The following CADM2 variants were observed in gnomAD, a reference collection of about 807,000 sequenced individuals.
CADM2 encodes the protein immunoglobulin superfamily member 4D.
Under a neutral mutation model 49.8 loss-of-function variants are expected in CADM2, and 12 were observed. The observed-to-expected ratio is 0.24, with a 90% CI of 0.15 to 0.39. The LOEUF (loss-of-function observed/expected upper bound fraction) is 0.39, where lower values mean the gene tolerates loss of function less well. Ranked by LOEUF, CADM2 falls within the 10% of genes least tolerant of loss-of-function variation. The pLI is 1.00. For synonymous variants in CADM2, 214 were observed against 175.4 expected (o/e 1.22, Z -1.74); for missense variants, 378 against 492.3 (o/e 0.77, Z 2.20).
At chr3:85,026,062 C>T (rs892210726) in intron 1 of CADM2, among the ~76,000 whole-genome samples, 2 of 152,094 alleles carry the variant, frequency 1.3e-5, no homozygotes, top group African/African-American at 4.8e-5. Flanking sequence ...ACTAAATAAC[C>T]AGCAAATGAA....
chr3:85,679,157 G>A (rs2065969314), intron 1 of CADM2, among the ~76,000 whole-genome samples: 1 of 151,976 alleles, frequency 6.6e-6, no homozygotes, highest in African/African-American at 2.4e-5. Context: ...CAAAATATAG[G>A]GGACCATGAA....
chr3:85,783,036 T>C (rs1408882810), intron 2 of CADM2, among the ~76,000 whole-genome samples: 1 of 152,182 alleles, frequency 6.6e-6, no homozygotes, highest in Non-Finnish European at 1.5e-5. Context: ...GGGCCCAATA[T>C]TAGTACATAA....
Position 85,912,380 on chromosome 3 carries a change from A to G in CADM2, c.537A>G (p.Lys179=). The change falls in exon 6 of 10, where the codon AAA becomes AAG. Residue 179 remains lysine, a synonymous_variant. Coordinates refer to ENST00000383699, the MANE Select transcript of CADM2 (RefSeq NM_001167675.2). Reference sequence around the variant, plus strand: ...TTCATATTTTATTTTCAGATGTAAAATATTTAAAAGAAGAGGATGCAAATC... The same window carrying G: ...TTCATATTTTATTTTCAGATGTAAAGTATTTAAAAGAAGAGGATGCAAATC... ...FKNDKEIKDV[K]YLKEEDANRK... 6.2e-7 allele frequency: 1 copy of G among 1,604,568 alleles called. No homozygotes were observed. The highest frequency in any genetic ancestry group is 8.5e-7 in the Non-Finnish European group (1 of 1,175,066).
At chr3:85,504,130 G>T (rs1219624538) in intron 1 of CADM2, among the ~76,000 whole-genome samples, 1 of 152,112 alleles carries the variant, frequency 6.6e-6, no homozygotes, top group African/African-American at 2.4e-5. Flanking sequence ...TCCGGAGTTT[G>T]TTCCTTCTGA....
chr3:85,295,520 A>G (rs1242926480), intron 1 of CADM2, among the ~76,000 whole-genome samples: 2 of 152,176 alleles, frequency 1.3e-5, no homozygotes, highest in Non-Finnish European at 2.9e-5. Context: ...TATTCACAAT[A>G]GCAAAGACTT....
At chr3:85,625,364 GT>G (rs2064094431) in intron 1 of CADM2, among the ~76,000 whole-genome samples, 1 of 151,752 alleles carries the variant, frequency 6.6e-6, no homozygotes, top group Admixed American at 6.6e-5. Context: ...CTTATCCATG[GT>G]TTTTAGTGAA....
chr3:85,729,145 C>A (rs2107790415), intron 2 of CADM2, among the ~76,000 whole-genome samples: 1 of 152,148 alleles, frequency 6.6e-6, no homozygotes, highest in South Asian at 2.1e-4. Flanking sequence ...ATATTATATT[C>A]TTTTGAATTT....
chr3:85,950,598 A>G (rs1205298169), intron 7 of CADM2, among the ~76,000 whole-genome samples: 2 of 151,188 alleles, frequency 1.3e-5, no homozygotes, highest in Non-Finnish European at 3.0e-5. Context: ...AGTCTTCTAA[A>G]GAGCACTTAC....
At chr3:85,358,265 T>A (rs1387285440) in intron 1 of CADM2, among the ~76,000 whole-genome samples, 1 of 152,056 alleles carries the variant, frequency 6.6e-6, no homozygotes, top group Non-Finnish European at 1.5e-5. Flanking sequence ...GCAAAATCAC[T>A]CCTGGTGGAG....
chr3:85,935,685 AAC>A, intron 6 of CADM2, 80 bp from the exon 7 acceptor site: 1 of 612,106 alleles, frequency 1.6e-6, no homozygotes, highest in Non-Finnish European at 2.8e-6. Flanking sequence ...AGAAATGCTG[AAC>A]ACACAGCATG....
At chr3:85,232,716 A>G (rs1055031596) in intron 1 of CADM2, among the ~76,000 whole-genome samples, 10 of 152,188 alleles carry the variant, frequency 6.6e-5, no homozygotes, top group Non-Finnish European at 8.8e-5. Context: ...CAGCAATGAG[A>G]CACTCCTACA....
At chr3:85,956,831 G>GA (rs1724122740) in intron 7 of CADM2, among the ~76,000 whole-genome samples, 1 of 151,544 alleles carries the variant, frequency 6.6e-6, no homozygotes. Flanking sequence ...ACAGAACTAG[G>GA]AAAAAATCAT....
At chr3:85,969,870 A>G (rs1367928148) in intron 8 of CADM2, among the ~76,000 whole-genome samples, 1 of 150,998 alleles carries the variant, frequency 6.6e-6, no homozygotes, top group African/African-American at 2.4e-5. Context: ...TTAGTGAAGC[A>G]ATACATACAC....
At chr3:85,785,945 T>C (rs1042073754) in intron 2 of CADM2, among the ~76,000 whole-genome samples, 4 of 152,068 alleles carry the variant, frequency 2.6e-5, no homozygotes, top group African/African-American at 9.7e-5. Context: ...CCAGTACAAA[T>C]CTATGAATGA....
chr3:85,432,081 AAAAAAACAAAAGAGATTG>A (rs2036706508), intron 1 of CADM2, among the ~76,000 whole-genome samples: 1 of 150,866 alleles, frequency 6.6e-6, no homozygotes, highest in Non-Finnish European at 1.5e-5. Flanking sequence ...GACATTGGAA[AAAAAAACAAAAGAGATTG>A]AAAAAACAAA....
intron 1 of CADM2, among the ~76,000 whole-genome samples, chr3:85,144,342 G>A (rs1421492603): frequency 1.3e-5 from 2 of 151,922 alleles, no homozygotes; most frequent in Non-Finnish European, 2.9e-5. Flanking sequence ...TGGGCGCGAT[G>A]GCTCACTCCT....
At chr3:85,958,326 G>C (rs1406272338) in intron 7 of CADM2, among the ~76,000 whole-genome samples, 2 of 152,016 alleles carry the variant, frequency 1.3e-5, no homozygotes, top group Admixed American at 1.3e-4. Flanking sequence ...TGGAGAAATA[G>C]GAACGCTTTT....
intron 1 of CADM2, among the ~76,000 whole-genome samples, chr3:85,157,441 A>C (rs2040165326): frequency 6.6e-6 from 1 of 152,136 alleles, no homozygotes; most frequent in African/African-American, 2.4e-5. Flanking sequence ...TTCAAACTAT[A>C]CTACCAGCCT....
intron 1 of CADM2, among the ~76,000 whole-genome samples, chr3:84,993,316 A>G (rs2032996407): frequency 6.6e-6 from 1 of 152,170 alleles, no homozygotes. Flanking sequence ...ATTAACTGGA[A>G]TATTTTGATG....
Sources: allele counts gnomAD v4.1 joint callset (sites outside exome capture counted in the v4.1 genomes callset), GRCh38; gene constraint gnomAD v4.1.1; transcripts MANE v1.5; gene names NCBI Gene and HGNC (gene_info 2026-07-23, HGNC 2026-07-21).